IL1RAP: variants seen among roughly 807,000 people sequenced by gnomAD.
IL1RAP encodes the protein interleukin 1 receptor accessory protein, also known as interleukin-1 receptor accessory protein.
In IL1RAP, 35 loss-of-function variants were observed where a neutral mutation model predicts 60.7. The ratio of observed to expected loss-of-function variants is 0.58; its 90% CI spans 0.44 to 0.76. IL1RAP has a LOEUF of 0.76. Ranked by LOEUF, IL1RAP falls within the 30% of genes least tolerant of loss-of-function variation. IL1RAP has a pLI of 0.00. For synonymous variants in IL1RAP, 268 were observed against 250.9 expected (o/e 1.07, Z -0.64); for missense variants, 572 against 693.9 (o/e 0.82, Z 1.97).
chr3:190,652,923 AT>A (rs999916804), downstream of IL1RAP, among the ~76,000 whole-genome samples: 3 of 151,648 alleles, frequency 2.0e-5, no homozygotes, highest in East Asian at 1.9e-4. Context: ...AACTCTCAAG[AT>A]TTTTTTTTCC....
Position 190,644,326 on chromosome 3 carries a change from T to C in IL1RAP, c.1130T>C (p.Val377Ala). 6.2e-7 allele frequency: 1 copy of C among 1,614,068 alleles called. No homozygotes were observed. Among genetic ancestry groups the C allele is most frequent in the South Asian group, 1.1e-5 (1 of 91,084 alleles). The change falls in exon 10 of 12, where the codon GTT (valine) becomes GCT (alanine). Residue 377 changes from valine (V) to alanine (A), a missense_variant. By Grantham distance (64) the Val-to-Ala change is moderately conservative. Transcript: ENST00000447382. ...CTGCTAGTGGTGATTCTCATTGTTG[T>C]TTACCATGTTTACTGGCTAGAGATG... ...TVLLVVILIVVYHVYWLEMVL... is the reference protein window; with the variant it reads ...TVLLVVILIVAYHVYWLEMVL...
chr3:190,582,565 G>A (rs1175978394), intron 3 of IL1RAP, among the ~76,000 whole-genome samples: 2 of 152,024 alleles, frequency 1.3e-5, no homozygotes, highest in East Asian at 1.9e-4. Context: ...TGATCCACCC[G>A]CCTCGGCCTC....
chr3:190,599,692 G>A (rs1729688886), intron 3 of IL1RAP, among the ~76,000 whole-genome samples: 1 of 145,560 alleles, frequency 6.9e-6, no homozygotes, highest in African/African-American at 2.5e-5. Context: ...AACTTTCTTG[G>A]TATTTTGGGT....
chr3:190,577,071 C>T (rs377497169), intron 3 of IL1RAP, among the ~76,000 whole-genome samples: 3 of 147,140 alleles, frequency 2.0e-5, no homozygotes, highest in South Asian at 2.1e-4. Context: ...ACCGCACTCC[C>T]GCCTGGGCGA....
chr3:190,639,267 A>T (rs1019677993), intron 9 of IL1RAP, among the ~76,000 whole-genome samples: 19 of 152,210 alleles, frequency 1.2e-4, no homozygotes, highest in Middle Eastern at 3.4e-3. Flanking sequence ...ATTAGGATAG[A>T]CCACTGCTAT....
At chr3:190,587,407 G>A (rs930958648) in intron 3 of IL1RAP, among the ~76,000 whole-genome samples, 28 of 152,212 alleles carry the variant, frequency 1.8e-4, no homozygotes, top group Admixed American at 9.8e-4. Context: ...AATACCTGGC[G>A]TATAGAAAAC....
Position 190,649,945 on chromosome 3 carries a change from T to G in IL1RAP, c.*1240T>G, listed in dbSNP as rs1734295657. ...GTTACATGTAGATTATACATATATA[T>G]ACACACGTGTATATGAGATATATAT... On this transcript the variant is annotated 3_prime_UTR_variant, in exon 12 of 12. Transcript: ENST00000447382. 1 of 807,582 alleles carries G rather than the reference T, an allele frequency of 1.2e-6. No homozygotes were observed. The highest frequency in any genetic ancestry group is 1.9e-5 in the African/African-American group (1 of 53,608). 50.0% of individuals were successfully genotyped at this position (807,582 alleles called of 1,614,324 possible). A position where few individuals can be genotyped will look rare whatever the true frequency, so the allele number is the denominator to read the frequency against.
chr3:190,588,408 G>A (rs888379695), intron 3 of IL1RAP, among the ~76,000 whole-genome samples: 3 of 152,176 alleles, frequency 2.0e-5, no homozygotes, highest in Non-Finnish European at 2.9e-5. Context: ...CACCATGCCC[G>A]GCCTACATCT....
chr3:190,522,291 T>C (rs778089534), intron 1 of IL1RAP, among the ~76,000 whole-genome samples: 3 of 50,270 alleles, frequency 6.0e-5, no homozygotes, highest in Non-Finnish European at 1.0e-4. Context: ...CTTCCTTTGC[T>C]TCCTTCCTTC....
intron 2 of IL1RAP, among the ~76,000 whole-genome samples, chr3:190,559,657 G>A (rs1314047552): frequency 6.6e-6 from 1 of 152,094 alleles, no homozygotes; most frequent in East Asian, 1.9e-4. Flanking sequence ...TTTAAGGCAT[G>A]TATTTTAATT....
chr3:190,606,925 T>C (rs1730378619), intron 4 of IL1RAP, among the ~76,000 whole-genome samples: 1 of 152,226 alleles, frequency 6.6e-6, no homozygotes. Context: ...AAAAAGTCGG[T>C]TGAACCACTG....
In IL1RAP at chr3:190,649,816, A is replaced by G. The variant is rs544459093; in HGVS notation, c.*1111A>G. 1.0e-6 allele frequency: 1 copy of G among 985,272 alleles called. No individual in the cohort carries two copies. The highest frequency in any genetic ancestry group is 1.1e-4 in the East Asian group (1 of 8,808). 61.0% of individuals were successfully genotyped at this position (985,272 alleles called of 1,614,324 possible). The stretch of plus-strand genomic sequence containing the variant: ...CTTGCTCCAAATAAGTCAGTATGAG[A>G]AGTCACTGTCAATGAAAGTTGTTTT... On this transcript the variant is annotated 3_prime_UTR_variant, in exon 12 of 12. Coordinates refer to ENST00000447382, the MANE Select transcript of IL1RAP (RefSeq NM_002182.4).
chr3:190,610,547 G>A (rs1730734807), intron 5 of IL1RAP, among the ~76,000 whole-genome samples: 1 of 151,942 alleles, frequency 6.6e-6, no homozygotes, highest in Non-Finnish European at 1.5e-5. Context: ...AAGAAAATTA[G>A]AATGGCTGTA....
At chr3:190,578,139 C>G (rs1296550668) in intron 3 of IL1RAP, among the ~76,000 whole-genome samples, 2 of 152,078 alleles carry the variant, frequency 1.3e-5, no homozygotes, top group African/African-American at 4.8e-5. Context: ...GCAATATTCC[C>G]ATGTTACTAA....
intron 1 of IL1RAP, among the ~76,000 whole-genome samples, chr3:190,522,289 G>GCTTCCTTCCTTC (rs72459878): frequency 0.045 from 6,074 of 135,334 alleles, 229 homozygotes; most frequent in Admixed American, 0.054. Context: ...GCCTTCCTTT[G>GCTTCCTTCCTTC]CTTCCTTCCT....
intron 3 of IL1RAP, among the ~76,000 whole-genome samples, chr3:190,585,184 T>C (rs1268176280): frequency 6.6e-6 from 1 of 152,100 alleles, no homozygotes; most frequent in East Asian, 1.9e-4. Context: ...TACAGCCTCA[T>C]GTATTATCTT....
At chr3:190,562,497 A>G (rs866944340) in intron 2 of IL1RAP, among the ~76,000 whole-genome samples, 1 of 152,100 alleles carries the variant, frequency 6.6e-6, no homozygotes. Flanking sequence ...TGATGATACT[A>G]AAGTGTCTTG....
At chr3:190,573,124 A>ATGAG (rs1727135419) in intron 3 of IL1RAP, among the ~76,000 whole-genome samples, 5 of 148,952 alleles carry the variant, frequency 3.4e-5, no homozygotes, top group Non-Finnish European at 5.9e-5. Flanking sequence ...CGGCCTCCCA[A>ATGAG]AGTTCTGGGA....
intron 1 of IL1RAP, among the ~76,000 whole-genome samples, chr3:190,542,900 G>A (rs1372019305): frequency 2.3e-5 from 1 of 44,148 alleles, no homozygotes; most frequent in African/African-American, 9.1e-5. Flanking sequence ...TTTTTTTTTT[G>A]GCTAGCATCA....
Sources: gnomAD v4.1 joint callset for allele counts (sites outside exome capture counted in the v4.1 genomes callset) on GRCh38, gnomAD v4.1.1 for gene constraint, MANE v1.5 for transcripts, NCBI Gene and HGNC (gene_info 2026-07-23, HGNC 2026-07-21) for gene names.